NRG1: variants seen among roughly 807,000 people sequenced by gnomAD.
The protein encoded by NRG1 is pro-neuregulin-1, membrane-bound isoform.
NRG1 carries 18 observed loss-of-function variants against 63.8 expected under a neutral mutation model. The observed-to-expected ratio is 0.28, with a 90% CI of 0.19 to 0.42. NRG1 has a LOEUF of 0.42. Among genes scored for constraint, NRG1 ranks in the 10% least tolerant of loss-of-function variants. The pLI is 1.00. For synonymous variants in NRG1, 302 were observed against 301.3 expected, an observed-to-expected ratio of 1.00 and a Z score of -0.02; for missense variants, 762 against 814.7, an observed-to-expected ratio of 0.94 and a Z score of 0.79.
In NRG1 at chr8:32,393,640, C is replaced by T. The variant is rs189985469; in HGVS notation, c.38-202188C>T. ...AGCAAACTAATGCAGGAACAGAAAA[C>T]CAAATACTGCATGTTCTCACTTACA... On this transcript the variant is annotated intron_variant, in intron 1 of 10. Transcript: ENST00000519301. Among the ~76,000 whole-genome samples the T allele has an allele frequency of 9.9e-5, 15 of 152,208 alleles. No homozygotes were observed. The East Asian group carries it at 2.9e-3, about 29-fold the overall frequency.
chr8:32,019,023 T>A lies in NRG1; in HGVS notation c.37+379592T>A, dbSNP rs1205323931. ...TTCATAGGCCTCAACTGTTTGAATA[T>A]CTTTTTAGTGAAGATGTTCTTTCGA... is the stretch of plus-strand genomic sequence containing the variant. On this transcript the variant is annotated intron_variant, in intron 1 of 10. Coordinates refer to the NRG1 transcript ENST00000519301. Among the ~76,000 whole-genome samples, 7 of 152,384 alleles carry A rather than the reference T, an allele frequency of 4.6e-5. No homozygotes were observed. In the East Asian group the frequency reaches 1.2e-3, roughly 25 times the overall value.
intron 1 of NRG1, among the ~76,000 whole-genome samples, chr8:32,496,028 G>T (rs1372619912): frequency 6.6e-6 from 1 of 152,160 alleles, no homozygotes; most frequent in Non-Finnish European, 1.5e-5. Flanking sequence ...AATTTGAAAA[G>T]ATTCCTCCAG....
intron 1 of NRG1, among the ~76,000 whole-genome samples, chr8:31,832,664 T>C (rs968770505): frequency 1.3e-5 from 2 of 152,186 alleles, no homozygotes; most frequent in South Asian, 2.1e-4. Context: ...TGTATTTCTT[T>C]CAATAATTTC....
chr8:32,041,737 G>A (rs144463205), intron 1 of NRG1, among the ~76,000 whole-genome samples: 2 of 152,300 alleles, frequency 1.3e-5, no homozygotes, highest in East Asian at 3.9e-4. Context: ...GCATGTAACA[G>A]AGAAGAAGGA....
In NRG1 at chr8:31,640,837, G is replaced by A; in HGVS notation, c.37+1406G>A. On this transcript the variant is annotated intron_variant, in intron 1 of 10. Coordinates refer to the NRG1 transcript ENST00000519301. The surrounding 1 kb of genome is among the most constrained non-coding windows in gnomAD (Gnocchi z 6.3). ...CCCGAGCAAGGCAGAGGCGCTCTGGGTCCCAGTTGTTGGTTTCAGGGTGGT... is the reference window on the plus strand; with the variant it reads ...CCCGAGCAAGGCAGAGGCGCTCTGGATCCCAGTTGTTGGTTTCAGGGTGGT... 1 of 1,406,126 alleles carries A rather than the reference G, an allele frequency of 7.1e-7. No homozygotes were observed. Among genetic ancestry groups the A allele is most frequent in the East Asian group, 2.8e-5 (1 of 35,676 alleles). The allele number at this position is 1,406,126 out of a possible 1,614,324, so 87.1% of individuals were successfully genotyped here.
At chr8:32,253,817 G>A (rs1451940534) in intron 1 of NRG1, among the ~76,000 whole-genome samples, 1 of 152,068 alleles carries the variant, frequency 6.6e-6, no homozygotes, top group Admixed American at 6.6e-5. Flanking sequence ...AATCTGTCTG[G>A]TCTTGGGCTT....
At chr8:32,610,771 T>C (rs940343028) in intron 3 of NRG1, among the ~76,000 whole-genome samples, 5 of 152,174 alleles carry the variant, frequency 3.3e-5, no homozygotes, top group African/African-American at 1.2e-4. Context: ...AATCTGCTAA[T>C]TACTTCTGGG....
intron 5 of NRG1, among the ~76,000 whole-genome samples, chr8:32,686,767 C>G (rs574426063): frequency 1.3e-5 from 2 of 152,158 alleles, no homozygotes; most frequent in Non-Finnish European, 1.5e-5. Flanking sequence ...TGAGACAGAC[C>G]TGTTCTGTGC....
intron 1 of NRG1, among the ~76,000 whole-genome samples, chr8:31,986,104 G>A (rs1398714347): frequency 6.6e-6 from 1 of 152,106 alleles, no homozygotes; most frequent in African/African-American, 2.4e-5. Flanking sequence ...CCTTGCTTGT[G>A]TCATAGGACT....
intron 1 of NRG1, chr8:32,220,782 G>C (rs936161660): frequency 6.6e-6 from 1 of 152,232 alleles, no homozygotes; most frequent in Non-Finnish European, 1.5e-5. Context: ...CTCCATCCCC[G>C]CGCAGCGGAG....
At chr8:31,983,266 T>G (rs2129631143) in intron 1 of NRG1, among the ~76,000 whole-genome samples, 1 of 152,202 alleles carries the variant, frequency 6.6e-6, no homozygotes, top group East Asian at 1.9e-4. Flanking sequence ...CTTTGGAAAA[T>G]TTTAAGAAGT....
chr8:32,524,680 A>C (rs1830653317), intron 1 of NRG1, among the ~76,000 whole-genome samples: 1 of 152,118 alleles, frequency 6.6e-6, no homozygotes, highest in Admixed American at 6.5e-5. Flanking sequence ...CTATCATGGA[A>C]ACCGAATTTC....
In NRG1 at chr8:32,192,706, C is replaced by T. The variant is rs187542267; in HGVS notation, c.38-403122C>T. On this transcript the variant is annotated intron_variant, in intron 1 of 10. Coordinates refer to the NRG1 transcript ENST00000519301. ...ATCACATAACATAACCAAGTAGCAA[C>T]CCTGCACATGTACCAATGAATCTAG... Among the ~76,000 whole-genome samples the T allele has an allele frequency of 7.8e-3, 1,187 of 152,036 alleles. 6 individuals carry two copies. Among genetic ancestry groups the T allele is most frequent in the Non-Finnish European group, 0.012 (837 of 67,976 alleles).
chr8:32,095,324 T>G (rs779946285), intron 1 of NRG1, among the ~76,000 whole-genome samples: 1 of 152,180 alleles, frequency 6.6e-6, no homozygotes, highest in Non-Finnish European at 1.5e-5. Context: ...TGACAACCTC[T>G]CATCATCTCG....
chr8:32,177,515 G>A (rs376928737), intron 1 of NRG1, among the ~76,000 whole-genome samples: 3 of 151,930 alleles, frequency 2.0e-5, no homozygotes, highest in East Asian at 3.9e-4. Flanking sequence ...CATGCATTAG[G>A]TGTTTGTCCT....
chr8:31,706,542 A>C (rs374505363), intron 1 of NRG1, among the ~76,000 whole-genome samples: 1 of 152,218 alleles, frequency 6.6e-6, no homozygotes, highest in East Asian at 1.9e-4. Flanking sequence ...GCATAATTTT[A>C]TACAGTAGGA....
At chr8:31,917,934 T>G (rs13261867) in intron 1 of NRG1, among the ~76,000 whole-genome samples, 101,437 of 151,900 alleles carry the variant, frequency 0.67, 34,266 homozygotes, top group East Asian at 0.92. Context: ...CCCTTGTAAG[T>G]TGGATTCCTA....
At chr8:32,504,280 G>C (rs1357214850) in intron 1 of NRG1, among the ~76,000 whole-genome samples, 2 of 152,146 alleles carry the variant, frequency 1.3e-5, no homozygotes, top group Admixed American at 1.3e-4. Context: ...TGACATTCCT[G>C]GTTGTGGGGA....
At chr8:31,990,377 A>G (rs995138834) in intron 1 of NRG1, among the ~76,000 whole-genome samples, 4 of 152,066 alleles carry the variant, frequency 2.6e-5, no homozygotes, top group African/African-American at 7.2e-5. Flanking sequence ...AGTACATGGA[A>G]GAGAGAGTTT....
Sources: allele counts gnomAD v4.1 joint callset (sites outside exome capture counted in the v4.1 genomes callset), GRCh38; gene constraint gnomAD v4.1.1; non-coding constraint Gnocchi (gnomAD v3.1); transcripts MANE v1.5; gene names NCBI Gene and HGNC (gene_info 2026-07-23, HGNC 2026-07-21).